The following SLIT2 variants were observed in gnomAD, a reference collection of about 807,000 sequenced individuals.
SLIT2 encodes the protein slit homolog 2 protein.
A neutral mutation model predicts 185.7 loss-of-function variants in SLIT2; 41 were observed. The observed-to-expected ratio is 0.22, with a 90% CI of 0.17 to 0.29. SLIT2 has a LOEUF of 0.29. Ranked by LOEUF, SLIT2 falls within the 10% of genes least tolerant of loss-of-function variation. The probability of loss-of-function intolerance (pLI) is 1.00; values close to 1 mark genes in which losing one functional copy is unlikely to be tolerated. For synonymous variants in SLIT2, 693 were observed against 680.2 expected (o/e 1.02, Z -0.29); for missense variants, 1,571 against 1,909.0 (o/e 0.82, Z 3.30).
chr4:20,257,976 CTG>C (rs1577330925), intron 3 of SLIT2, 37 bp downstream of exon 3: 7 of 996,358 alleles, frequency 7.0e-6, no homozygotes, highest in South Asian at 1.4e-5. Flanking sequence ...GACAACATAA[CTG>C]TGTTTTTTAA....
At chr4:20,366,083 C>T (rs1723093956) in intron 4 of SLIT2, among the ~76,000 whole-genome samples, 1 of 152,122 alleles carries the variant, frequency 6.6e-6, no homozygotes, top group Non-Finnish European at 1.5e-5. Flanking sequence ...TGTCTGGAAG[C>T]AGAAGCTGAA....
At chr4:20,427,222 T>C (rs1460165183) in intron 4 of SLIT2, among the ~76,000 whole-genome samples, 1 of 152,180 alleles carries the variant, frequency 6.6e-6, no homozygotes, top group Non-Finnish European at 1.5e-5. Context: ...TTTAATAACA[T>C]CACAGGTTCT....
In SLIT2 at chr4:20,567,134, G is replaced by T. The variant is rs887639584; in HGVS notation, c.2726-128G>T. 5 of 838,638 alleles carry T rather than the reference G, an allele frequency of 6.0e-6. No individual in the cohort carries two copies. The South Asian group carries it at 8.7e-5, about 15-fold the overall frequency. 51.9% of individuals were successfully genotyped at this position (838,638 alleles called of 1,614,324 possible). On this transcript the variant is annotated intron_variant, in intron 26 of 36. Transcript: ENST00000504154. ...TGCTGATTTCTGGCTTGTCATGGAT[G>T]AGAGACACATATAGATATGTGACCA... is the stretch of plus-strand genomic sequence containing the variant.
intron 4 of SLIT2, among the ~76,000 whole-genome samples, chr4:20,388,899 TA>T (rs1333605899): frequency 8.3e-5 from 12 of 144,492 alleles, no homozygotes; most frequent in Non-Finnish European, 1.4e-4. Context: ...ATAATATATA[TA>T]ATATATACAT....
chr4:20,589,250 G>C (rs930916184), intron 29 of SLIT2, among the ~76,000 whole-genome samples: 3 of 152,072 alleles, frequency 2.0e-5, no homozygotes, highest in Non-Finnish European at 4.4e-5. Flanking sequence ...GGTGACCTGA[G>C]TGGGTTCAGT....
intron 16 of SLIT2, 36 bp downstream of exon 16, chr4:20,529,135 G>A (rs1721560838): frequency 5.9e-6 from 9 of 1,514,154 alleles, no homozygotes; most frequent in Non-Finnish European, 8.1e-6. Flanking sequence ...TGGTTGGGAT[G>A]GAGGGAATGA....
At chr4:20,544,877 C>G (rs1723113109) in intron 21 of SLIT2, among the ~76,000 whole-genome samples, 1 of 151,970 alleles carries the variant, frequency 6.6e-6, no homozygotes, top group African/African-American at 2.4e-5. Context: ...TGATGCTTCC[C>G]TCTAGTGGTA....
At chr4:20,424,818 A>C (rs2109477260) in intron 4 of SLIT2, among the ~76,000 whole-genome samples, 1 of 152,180 alleles carries the variant, frequency 6.6e-6, no homozygotes, top group African/African-American at 2.4e-5. Context: ...TATATCCCTT[A>C]GTGGATATTT....
At chr4:20,386,509 A>G (rs950467234) in intron 4 of SLIT2, among the ~76,000 whole-genome samples, 10 of 152,200 alleles carry the variant, frequency 6.6e-5, no homozygotes, top group Non-Finnish European at 1.5e-4. Flanking sequence ...AGCCCTGCAA[A>G]TTGAATTAGA....
At chr4:20,602,974 G>A (rs986547126) in intron 33 of SLIT2, among the ~76,000 whole-genome samples, 9 of 152,056 alleles carry the variant, frequency 5.9e-5, no homozygotes, top group East Asian at 3.9e-4. Context: ...GGAATATGGC[G>A]CACGGGCCTA....
chr4:20,254,676 AG>A lies in SLIT2; in HGVS notation c.179+685del, dbSNP rs1711578316. On this transcript the variant is annotated intron_variant, in intron 1 of 36. Coordinates refer to ENST00000504154, the MANE Select transcript of SLIT2 (RefSeq NM_004787.4). This position sits in a 1 kb window ranked among gnomAD's most constrained non-coding sequence, Gnocchi z 5.1. ...GGACTTGTCTCAGCGGGCGACTGCG[AG>A]GGAGGACCGTGTCCCATCCGTTAAG... Among the ~76,000 whole-genome samples the A allele has an allele frequency of 6.6e-6, 1 of 152,028 alleles. No individual in the cohort carries two copies. Among genetic ancestry groups the A allele is most frequent in the Non-Finnish European group, 1.5e-5 (1 of 68,006 alleles).
At chr4:20,507,154 G>C (rs1042490512) in intron 9 of SLIT2, among the ~76,000 whole-genome samples, 1 of 151,840 alleles carries the variant, frequency 6.6e-6, no homozygotes, top group African/African-American at 2.4e-5. Context: ...AAAATATAAT[G>C]CCATTTTATC....
chr4:20,532,047 A>G lies in SLIT2; in HGVS notation c.1677A>G (p.Gln559=), dbSNP rs753687276. 4.2e-5 allele frequency: 65 copies of G among 1,560,228 alleles called. No individual in the cohort carries two copies. The highest frequency in any genetic ancestry group is 5.2e-5 in the Non-Finnish European group (60 of 1,155,238). Residue 559 remains glutamine (Q), a synonymous_variant, in exon 17 of 37, where the codon CAA becomes CAG. Coordinates refer to ENST00000504154, the MANE Select transcript of SLIT2 (RefSeq NM_004787.4). ...CAGGAATCTTTAAGAAACTTCCTCA[A>G]TTACGTAAAATGTAAGTCACTTGTT... ...EATGIFKKLP[Q]LRKINFSNNK...
intron 3 of SLIT2, among the ~76,000 whole-genome samples, chr4:20,262,071 G>A (rs1334981060): frequency 6.6e-6 from 1 of 151,764 alleles, no homozygotes; most frequent in South Asian, 2.1e-4. Flanking sequence ...GAACAGTCAA[G>A]CTGTTAACTT....
chr4:20,465,045 C>T (rs1378930940), intron 4 of SLIT2, among the ~76,000 whole-genome samples: 1 of 152,096 alleles, frequency 6.6e-6, no homozygotes, highest in Non-Finnish European at 1.5e-5. Flanking sequence ...GATCATTGTT[C>T]AAACATAGTC....
At position 20,618,908 on chromosome 4, in the gene SLIT2, A is replaced by G; in HGVS notation, c.4489A>G (p.Ser1497Gly). Residue 1497 changes from serine (S) to glycine (G), a missense_variant, in exon 37 of 37, where the codon AGC becomes GGC. Ser to Gly is a moderately conservative substitution (Grantham distance 56, BLOSUM62 0). This residue lies in a region of SLIT2 where 223 missense variants were observed against 245.2 expected (regional missense o/e 0.91). Coordinates refer to ENST00000504154, the MANE Select transcript of SLIT2 (RefSeq NM_004787.4). Reference sequence around the variant, plus strand: ...AGGGCAGTGCTGTGGACCGCTGAGGAGCAAGCGGCGGAAATACTCTTTCGA... The same window carrying G: ...AGGGCAGTGCTGTGGACCGCTGAGGGGCAAGCGGCGGAAATACTCTTTCGA... ...AGGQCCGPLR[S>G]KRRKYSFECT... 1 of 1,614,118 alleles carries G rather than the reference A, an allele frequency of 6.2e-7. No individual in the cohort carries two copies.
At chr4:20,321,784 A>G (rs557753458) in intron 4 of SLIT2, among the ~76,000 whole-genome samples, 1 of 152,252 alleles carries the variant, frequency 6.6e-6, no homozygotes, top group Non-Finnish European at 1.5e-5. Context: ...CTCTCTCCCT[A>G]CAAATTATCT....
In SLIT2 at chr4:20,618,784, G is replaced by C. The variant is rs762506230; in HGVS notation, c.4365G>C (p.Gly1455=). Residue 1455 remains glycine, a synonymous_variant, in exon 37 of 37, where the codon GGG becomes GGC. Transcript: ENST00000504154. Reference sequence around the variant, plus strand: ...CTTTTCTAGAAATCTCTTGTCGAGGGGAAAGGATAAGAGATTATTACCAAA... The same window carrying C: ...CTTTTCTAGAAATCTCTTGTCGAGGCGAAAGGATAAGAGATTATTACCAAA... The part of the protein sequence containing the change: ...DSCDREISCR[G]ERIRDYYQKQ... The C allele has an allele frequency of 3.8e-6, 6 of 1,587,394 alleles. No individual in the cohort carries two copies. In the African/African-American group the frequency reaches 5.4e-5, roughly 14 times the overall value.
At chr4:20,411,731 T>C (rs1462148902) in intron 4 of SLIT2, among the ~76,000 whole-genome samples, 2 of 152,116 alleles carry the variant, frequency 1.3e-5, no homozygotes, top group Non-Finnish European at 2.9e-5. Context: ...ATCTGGCACA[T>C]AGTAGGTGCT....
Sources: gnomAD v4.1 joint callset for allele counts (sites outside exome capture counted in the v4.1 genomes callset) on GRCh38, gnomAD v4.1.1 for gene constraint, gnomAD v4.1.1 regional missense constraint, Gnocchi (gnomAD v3.1) non-coding constraint, MANE v1.5 for transcripts, NCBI Gene and HGNC (gene_info 2026-07-23, HGNC 2026-07-21) for gene names.